Variants in CEP112 observed in about 807,000 individuals in gnomAD.
CEP112 encodes the protein centrosomal protein of 112 kDa.
In CEP112, 127 loss-of-function variants were observed where a neutral mutation model predicts 153.0. The ratio of observed to expected loss-of-function variants is 0.83; its 90% CI spans 0.72 to 0.96. The LOEUF (loss-of-function observed/expected upper bound fraction) is 0.96. Ranked by LOEUF, CEP112 falls within the 40% of genes least tolerant of loss-of-function variation. The probability of loss-of-function intolerance (pLI) is 0.00; values close to 1 mark genes in which losing one functional copy is unlikely to be tolerated. For synonymous variants in CEP112, 358 were observed against 374.4 expected (o/e 0.96, Z 0.51); for missense variants, 1,089 against 1,101.2 (o/e 0.99, Z 0.16).
At chr17:65,876,568 G>C (rs1363070663) in intron 20 of CEP112, among the ~76,000 whole-genome samples, 1 of 151,978 alleles carries the variant, frequency 6.6e-6, no homozygotes, top group Non-Finnish European at 1.5e-5. Flanking sequence ...TGTGATGCTG[G>C]TACTTATTAA....
chr17:65,965,518 C>CTT (rs1555734628), intron 17 of CEP112, among the ~76,000 whole-genome samples: 16 of 122,078 alleles, frequency 1.3e-4, no homozygotes, highest in Non-Finnish European at 1.5e-4. Context: ...CTTCTGCCCC[C>CTT]TTTTTTTTTT....
chr17:65,637,053 C>T, intron 26 of CEP112, 71 bp downstream of exon 26: 3 of 1,169,400 alleles, frequency 2.6e-6, no homozygotes, highest in Non-Finnish European at 2.5e-6. Flanking sequence ...AGACAAAGGC[C>T]AGACAAGGAG....
At chr17:66,067,891 C>T (rs1203937064) in intron 9 of CEP112, among the ~76,000 whole-genome samples, 1 of 152,044 alleles carries the variant, frequency 6.6e-6, no homozygotes, top group Non-Finnish European at 1.5e-5. Context: ...TTCAGCTGGG[C>T]ATGTCCCTGG....
chr17:65,658,988 C>T (rs1180422806), intron 24 of CEP112, among the ~76,000 whole-genome samples: 1 of 124,210 alleles, frequency 8.1e-6, no homozygotes, highest in Non-Finnish European at 1.6e-5. Flanking sequence ...TGCACTCCAG[C>T]CTGGGTGACA....
Position 65,927,202 on chromosome 17 carries a change from G to A in CEP112, c.1980+380C>T, listed in dbSNP as rs796150023. Among the ~76,000 whole-genome samples, 4 of 152,076 alleles carry A rather than the reference G, an allele frequency of 2.6e-5. No individual in the cohort carries two copies. In the East Asian group the frequency reaches 7.7e-4, roughly 29 times the overall value. ...CTGGTTCCTGCTTTTGCCATGTAAG[G>A]TGCCTGCTTCTGCTTCCTTCTGCCA... On this transcript the variant is annotated intron_variant, in intron 19 of 26. Coordinates refer to ENST00000535342, the MANE Select transcript of CEP112 (RefSeq NM_001199165.4).
intron 2 of CEP112, among the ~76,000 whole-genome samples, chr17:66,179,103 T>G (rs540951449): frequency 1.3e-5 from 2 of 152,182 alleles, no homozygotes; most frequent in East Asian, 3.9e-4. Flanking sequence ...TGCTCTGTAG[T>G]ATAATTTGAA....
chr17:65,785,602 T>C (rs1309980688), intron 21 of CEP112, among the ~76,000 whole-genome samples: 1 of 152,196 alleles, frequency 6.6e-6, no homozygotes, highest in Admixed American at 6.5e-5. Context: ...CTTGGAAGTT[T>C]CCTTTAAAGC....
At chr17:65,656,246 A>G (rs2046058368) in intron 24 of CEP112, among the ~76,000 whole-genome samples, 1 of 152,220 alleles carries the variant, frequency 6.6e-6, no homozygotes, top group Admixed American at 6.5e-5. Flanking sequence ...AATTGTGACA[A>G]CCATCTTGCT....
chr17:66,047,430 AAC>A (rs2066258527), intron 12 of CEP112, among the ~76,000 whole-genome samples: 1 of 152,162 alleles, frequency 6.6e-6, no homozygotes, highest in Non-Finnish European at 1.5e-5. Context: ...TTTTAATTAA[AAC>A]ACCCATCTTT....
intron 24 of CEP112, among the ~76,000 whole-genome samples, chr17:65,647,501 G>A (rs1012241534): frequency 6.9e-6 from 1 of 145,336 alleles, no homozygotes; most frequent in Non-Finnish European, 1.5e-5. Context: ...CAAGAGACAG[G>A]GTCTTGCTCT....
intron 6 of CEP112, among the ~76,000 whole-genome samples, chr17:66,113,321 T>C (rs937991635): frequency 1.3e-5 from 2 of 152,078 alleles, no homozygotes; most frequent in Non-Finnish European, 2.9e-5. Flanking sequence ...TAAAGCAGCA[T>C]AGGAAGTAAG....
At chr17:65,773,477 T>C (rs185302975) in intron 21 of CEP112, among the ~76,000 whole-genome samples, 17 of 152,356 alleles carry the variant, frequency 1.1e-4, no homozygotes, top group Admixed American at 5.2e-4. Context: ...GGTGATGGTA[T>C]ACAATTCTGT....
intron 4 of CEP112, among the ~76,000 whole-genome samples, chr17:66,142,913 T>C (rs552360402): frequency 1.3e-5 from 2 of 152,330 alleles, no homozygotes; most frequent in African/African-American, 4.8e-5. Flanking sequence ...GGGATTGCAT[T>C]GAAATTGTAG....
chr17:65,816,246 T>C (rs2056255304), intron 21 of CEP112, among the ~76,000 whole-genome samples: 1 of 152,062 alleles, frequency 6.6e-6, no homozygotes, highest in African/African-American at 2.4e-5. Context: ...CTCACAAAGT[T>C]GTACAACCAT....
intron 18 of CEP112, among the ~76,000 whole-genome samples, chr17:65,951,258 G>A (rs2061819369): frequency 6.6e-6 from 1 of 152,146 alleles, no homozygotes; most frequent in African/African-American, 2.4e-5. Context: ...AATTAACTGA[G>A]AAGTATTCCT....
At chr17:65,967,680 T>C (rs1264743352) in intron 17 of CEP112, among the ~76,000 whole-genome samples, 2 of 152,196 alleles carry the variant, frequency 1.3e-5, no homozygotes, top group African/African-American at 4.8e-5. Context: ...ATCAAATTTA[T>C]GTGTAAGATA....
chr17:65,969,749 G>A lies in CEP112; in HGVS notation c.1737-8151C>T, dbSNP rs537215638. Among the ~76,000 whole-genome samples, 194 of 152,246 alleles carry A rather than the reference G, an allele frequency of 1.3e-3. 2 individuals are homozygous for A. The highest frequency in any genetic ancestry group is 4.4e-3 in the African/African-American group (183 of 41,536). Reference sequence around the variant, plus strand: ...TGTGTATTGCATGCATACACTACACGAATGCTTATTACATGTAAATCACAT... The same window carrying A: ...TGTGTATTGCATGCATACACTACACAAATGCTTATTACATGTAAATCACAT... On this transcript the variant is annotated intron_variant, in intron 17 of 26. Transcript: ENST00000535342.
At chr17:65,784,319 CTG>C (rs2054157263) in intron 21 of CEP112, among the ~76,000 whole-genome samples, 1 of 152,166 alleles carries the variant, frequency 6.6e-6, no homozygotes, top group African/African-American at 2.4e-5. Flanking sequence ...CAGGGTCAGA[CTG>C]TTAGAAAAGA....
chr17:65,974,335 C>T (rs1481131746), intron 17 of CEP112, among the ~76,000 whole-genome samples: 1 of 152,120 alleles, frequency 6.6e-6, no homozygotes, highest in Non-Finnish European at 1.5e-5. Flanking sequence ...CCTTGGCCTC[C>T]CAAAGTGCTG....
Sources: allele counts gnomAD v4.1 joint callset (sites outside exome capture counted in the v4.1 genomes callset), GRCh38; gene constraint gnomAD v4.1.1; transcripts MANE v1.5; gene names NCBI Gene and HGNC (gene_info 2026-07-23, HGNC 2026-07-21).